The following KCNA2 variants were observed in gnomAD, a reference collection of about 807,000 sequenced individuals.
The protein encoded by KCNA2 is potassium channel, voltage gated shaker related subfamily A, member 2.
A neutral mutation model predicts 33.4 loss-of-function variants in KCNA2; 11 were observed. The observed-to-expected ratio is 0.33, with a 90% CI of 0.21 to 0.55. The LOEUF (loss-of-function observed/expected upper bound fraction) is 0.55, where lower values mean the gene tolerates loss of function less well. KCNA2 is among the 20% of genes least tolerant of loss of function. The probability of loss-of-function intolerance (pLI) is 0.93; values close to 1 mark genes in which losing one functional copy is unlikely to be tolerated. For missense variants in KCNA2, 291 were observed against 621.6 expected, an observed-to-expected ratio of 0.47 and a Z score of 5.66; for synonymous variants, 222 against 231.3, an observed-to-expected ratio of 0.96 and a Z score of 0.37.
At chr1:110,606,459 G>T (rs1340685236), upstream of KCNA2, 1 of 152,198 alleles carries the variant, frequency 6.6e-6, no homozygotes, top group African/African-American at 2.4e-5. Context: ...ACCCAATCCC[G>T]CCGGCCCCAG....
intron 1 of KCNA2, among the ~76,000 whole-genome samples, chr1:110,627,978 T>A (rs367633258): frequency 7.2e-5 from 11 of 152,104 alleles, no homozygotes; most frequent in African/African-American, 2.7e-4. Flanking sequence ...GCGGGAAACA[T>A]ATTTAGAGGG....
At chr1:110,628,242 A>G (rs1166158352) in intron 1 of KCNA2, among the ~76,000 whole-genome samples, 2 of 152,062 alleles carry the variant, frequency 1.3e-5, no homozygotes, top group Non-Finnish European at 2.9e-5. Context: ...CACACTGGGT[A>G]TATCTTGACT....
intron 1 of KCNA2, among the ~76,000 whole-genome samples, chr1:110,618,783 C>A (rs1030809839): frequency 6.6e-6 from 1 of 152,064 alleles, no homozygotes; most frequent in Admixed American, 6.5e-5. Context: ...AACCCCGGGA[C>A]ACAGCCTTTG....
At chr1:110,607,580 G>C (rs1323180242), upstream of KCNA2, 1 of 152,214 alleles carries the variant, frequency 6.6e-6, no homozygotes, top group Admixed American at 6.5e-5. Context: ...AACATTCTTT[G>C]GCAGAGCCCG....
At position 110,602,478 on chromosome 1, in the gene KCNA2, G is replaced by C; in HGVS notation, c.*805C>G. On this transcript the variant is annotated 3_prime_UTR_variant, in exon 3 of 3. Coordinates refer to ENST00000316361, the MANE Select transcript of KCNA2 (RefSeq NM_004974.4). Reference sequence around the variant, plus strand: ...GCTGGGCCACATCAGTGGGAAAGCAGATGTCTGCAAACTCCAGTAAGAAAC... The same window carrying C: ...GCTGGGCCACATCAGTGGGAAAGCACATGTCTGCAAACTCCAGTAAGAAAC... 5.0e-6 allele frequency: 6 copies of C among 1,200,034 alleles called. No individual in the cohort carries two copies. Among genetic ancestry groups the C allele is most frequent in the Non-Finnish European group, 6.2e-6 (6 of 964,524 alleles). The allele number at this position is 1,200,034 out of a possible 1,614,324, so 74.3% of individuals were successfully genotyped here. A position where few individuals can be genotyped will look rare whatever the true frequency, so the allele number is the denominator to read the frequency against.
rs984594368 is a variant in KCNA2, at chr1:110,597,359, T to C, written c.*5924A>G. ...GGAAGTGCTTTCGTGTAGGCTTCCATTACATCTGCCAGACTGAGGGAAAGT... is the reference window on the plus strand; with the variant it reads ...GGAAGTGCTTTCGTGTAGGCTTCCACTACATCTGCCAGACTGAGGGAAAGT... On this transcript the variant is annotated 3_prime_UTR_variant, in exon 3 of 3. Coordinates refer to ENST00000316361, the MANE Select transcript of KCNA2 (RefSeq NM_004974.4). The C allele has an allele frequency of 2.5e-5, 25 of 985,236 alleles. No homozygotes were observed. The highest frequency in any genetic ancestry group is 3.0e-5 in the Non-Finnish European group (25 of 829,930). 61.0% of individuals were successfully genotyped at this position (985,236 alleles called of 1,614,324 possible).
chr1:110,611,618 C>T (rs1257247694), intron 1 of KCNA2, among the ~76,000 whole-genome samples: 3 of 151,124 alleles, frequency 2.0e-5, no homozygotes, highest in Admixed American at 1.3e-4. Flanking sequence ...TCCAGCTACT[C>T]GGGAGGCTAA....
chr1:110,595,418 C>T lies in KCNA2; in HGVS notation c.*7865G>A. ...GTCAAGTCTGGGTTATGGGCTTCTG[C>T]TGCCTGATCACAACTAACATAGCCA... On this transcript the variant is annotated 3_prime_UTR_variant, in exon 3 of 3. Coordinates refer to ENST00000316361, the MANE Select transcript of KCNA2 (RefSeq NM_004974.4). 1.0e-6 allele frequency: 1 copy of T among 985,472 alleles called. No homozygotes were observed. The highest frequency in any genetic ancestry group is 1.2e-6 in the Non-Finnish European group (1 of 829,958). 61.0% of individuals were successfully genotyped at this position (985,472 alleles called of 1,614,324 possible). A position where few individuals can be genotyped will look rare whatever the true frequency, so the allele number is the denominator to read the frequency against.
Position 110,599,773 on chromosome 1 carries a change from G to A in KCNA2, c.*3510C>T, listed in dbSNP as rs554062012. On this transcript the variant is annotated 3_prime_UTR_variant, in exon 3 of 3. Coordinates refer to ENST00000316361, the MANE Select transcript of KCNA2 (RefSeq NM_004974.4). ...TTTTAAGAGAATAGGGCTGAATCTG[G>A]AGATCCCAGGTGCTGGGAGAAGGGG... 260 of 985,492 alleles carry A rather than the reference G, an allele frequency of 2.6e-4. 1 individual carries two copies. In the African/African-American group the frequency reaches 4.3e-3, roughly 16 times the overall value. The allele number at this position is 985,492 out of a possible 1,614,324, so 61.0% of individuals were successfully genotyped here. A position where few individuals can be genotyped will look rare whatever the true frequency, so the allele number is the denominator to read the frequency against.
Position 110,602,687 on chromosome 1 carries a change from G to A in KCNA2, c.*596C>T. On this transcript the variant is annotated 3_prime_UTR_variant, in exon 3 of 3. Coordinates refer to ENST00000316361, the MANE Select transcript of KCNA2 (RefSeq NM_004974.4). ...CTCACATCGACACTGCAGAGAAAAAGCAGAATGCAGCATTTTCCGTTATGA... is the reference window on the plus strand; with the variant it reads ...CTCACATCGACACTGCAGAGAAAAAACAGAATGCAGCATTTTCCGTTATGA... 3 of 993,208 alleles carry A rather than the reference G, an allele frequency of 3.0e-6. No individual in the cohort carries two copies. Among genetic ancestry groups the A allele is most frequent in the Non-Finnish European group, 3.6e-6 (3 of 835,038 alleles). The allele number at this position is 993,208 out of a possible 1,614,324, so 61.5% of individuals were successfully genotyped here. A position where few individuals can be genotyped will look rare whatever the true frequency, so the allele number is the denominator to read the frequency against.
chr1:110,608,906 C>T (rs74117900), upstream of KCNA2, among the ~76,000 whole-genome samples: 9,530 of 152,172 alleles, frequency 0.063, 1,037 homozygotes, highest in African/African-American at 0.22. Context: ...ATGATGATTT[C>T]GCTGCTCTGC....
chr1:110,597,472 G>A lies in KCNA2; in HGVS notation c.*5811C>T. The A allele has an allele frequency of 1.0e-6, 1 of 985,430 alleles. No individual in the cohort carries two copies. Among genetic ancestry groups the A allele is most frequent in the Non-Finnish European group, 1.2e-6 (1 of 829,944 alleles). The allele number at this position is 985,430 out of a possible 1,614,324, so 61.0% of individuals were successfully genotyped here. A position where few individuals can be genotyped will look rare whatever the true frequency, so the allele number is the denominator to read the frequency against. On this transcript the variant is annotated 3_prime_UTR_variant, in exon 3 of 3. Coordinates refer to ENST00000316361, the MANE Select transcript of KCNA2 (RefSeq NM_004974.4). ...TGCTGTATGACAGCAGGCAGAAATG[G>A]GGAGACAGAGGGAGAGGGGACAGAG...
At position 110,602,875 on chromosome 1, in the gene KCNA2, T is replaced by C. The variant is rs1649419878; in HGVS notation, c.*408A>G. ...GCTATTTAAAGCTAAGCCATGATTG[T>C]GTTCCTCTGTGAAAGGGCAGGTGGG... On this transcript the variant is annotated 3_prime_UTR_variant, in exon 3 of 3. Transcript: ENST00000316361. 2.0e-6 allele frequency: 2 copies of C among 1,019,350 alleles called. No individual in the cohort carries two copies. The highest frequency in any genetic ancestry group is 4.9e-4 in the Middle Eastern group (1 of 2,048). 63.1% of individuals were successfully genotyped at this position (1,019,350 alleles called of 1,614,324 possible). A position where few individuals can be genotyped will look rare whatever the true frequency, so the allele number is the denominator to read the frequency against.
chr1:110,608,064 C>T (rs1649740516), upstream of KCNA2: 1 of 152,482 alleles, frequency 6.6e-6, no homozygotes, highest in African/African-American at 2.4e-5. Flanking sequence ...GGGGACACGC[C>T]GCTGCCCTTG....
rs376087820 is a variant in KCNA2 at position 110,600,960 on chromosome 1, C to T, written c.*2323G>A. ...CTGGAGCCACCCCTGCATAGCCCGA[C>T]CCCTGCAATTCACTGTTTGGGAAAA... On this transcript the variant is annotated 3_prime_UTR_variant, in exon 3 of 3. Coordinates refer to ENST00000316361, the MANE Select transcript of KCNA2 (RefSeq NM_004974.4). 4.1e-6 allele frequency: 4 copies of T among 985,498 alleles called. No individual in the cohort carries two copies. In the East Asian group the frequency reaches 4.5e-4, roughly 112 times the overall value. 61.0% of individuals were successfully genotyped at this position (985,498 alleles called of 1,614,324 possible). A position where few individuals can be genotyped will look rare whatever the true frequency, so the allele number is the denominator to read the frequency against.
intron 1 of KCNA2, among the ~76,000 whole-genome samples, chr1:110,615,167 A>G (rs911179024): frequency 3.9e-5 from 6 of 152,212 alleles, no homozygotes; most frequent in African/African-American, 1.4e-4. Flanking sequence ...TGGAAGTTTC[A>G]TGGCCTAAGG....
chr1:110,601,979 G>C lies in KCNA2; in HGVS notation c.*1304C>G, dbSNP rs928159161. 1 of 1,527,346 alleles carries C rather than the reference G, an allele frequency of 6.5e-7. No homozygotes were observed. 94.6% of individuals were successfully genotyped at this position (1,527,346 alleles called of 1,614,324 possible). On this transcript the variant is annotated 3_prime_UTR_variant, in exon 3 of 3. Transcript: ENST00000316361. ...TCTATCACTAGCTAGGTAGAGGAAC[G>C]CGTGAAAGAGAGATACTCGATATAT... is the stretch of plus-strand genomic sequence containing the variant.
rs372187991 is a variant in KCNA2 at position 110,593,737 on chromosome 1, C to T, written c.*9546G>A. ...GTACACCCATGATCAGGTGGACAGGCAATGTTCATTGAGGCACATATGTAC... is the reference window on the plus strand; with the variant it reads ...GTACACCCATGATCAGGTGGACAGGTAATGTTCATTGAGGCACATATGTAC... On this transcript the variant is annotated 3_prime_UTR_variant, in exon 3 of 3. Transcript: ENST00000316361. The T allele has an allele frequency of 5.4e-5, 42 of 776,198 alleles. No individual in the cohort carries two copies. The East Asian group carries it at 9.4e-4, about 17-fold the overall frequency. The allele number at this position is 776,198 out of a possible 1,614,324, so 48.1% of individuals were successfully genotyped here.
At chr1:110,625,904 T>G (rs1370336724) in intron 1 of KCNA2, among the ~76,000 whole-genome samples, 1 of 152,214 alleles carries the variant, frequency 6.6e-6, no homozygotes, top group Non-Finnish European at 1.5e-5. Context: ...GACATCATAT[T>G]TTTTGACCTA....
Sources: gnomAD v4.1 joint callset for allele counts (sites outside exome capture counted in the v4.1 genomes callset) on GRCh38, gnomAD v4.1.1 for gene constraint, MANE v1.5 for transcripts, NCBI Gene and HGNC (gene_info 2026-07-23, HGNC 2026-07-21) for gene names.